ADRA2B: variants seen among roughly 807,000 people sequenced by gnomAD.
The protein encoded by ADRA2B is adrenoceptor alpha 2B.
A neutral mutation model predicts 14.4 loss-of-function variants in ADRA2B; 14 were observed. That is an observed-to-expected ratio of 0.97 (90% CI 0.64 to 1.52). The LOEUF is 1.52. Ranked by LOEUF, ADRA2B falls within the 40% of genes most tolerant of loss-of-function variation. The pLI, the probability that ADRA2B is intolerant of heterozygous loss-of-function variation, is 0.00. For synonymous variants in ADRA2B, 250 were observed against 263.7 expected (o/e 0.95, Z 0.50); for missense variants, 606 against 603.2 (o/e 1.00, Z -0.05).
Position 96,116,296 on chromosome 2 carries a change from A to G in ADRA2B, c.-147T>C. The G allele has an allele frequency of 1.4e-6, 1 of 694,910 alleles. No homozygotes were observed. Among genetic ancestry groups the G allele is most frequent in the Non-Finnish European group, 2.4e-6 (1 of 408,724 alleles). 43.0% of individuals were successfully genotyped at this position (694,910 alleles called of 1,614,324 possible). On this transcript the variant is annotated 5_prime_UTR_variant, in exon 1 of 1. Transcript: ENST00000620793. Reference sequence around the variant, plus strand: ...CCCATGGCCTGGACGAGCGGGGCCTAGGAGGTCGGGAACACCCAGGACCAG... The same window carrying G: ...CCCATGGCCTGGACGAGCGGGGCCTGGGAGGTCGGGAACACCCAGGACCAG...
chr2:96,116,238 T>G lies in ADRA2B; in HGVS notation c.-89A>C. ...TGCCCGGCTCGGCTAGACAAGAGCG[T>G]CGCCCCTCGGGCGGCGCCGAGGGCG... On this transcript the variant is annotated 5_prime_UTR_variant, in exon 1 of 1. Transcript: ENST00000620793. 1 of 1,268,824 alleles carries G rather than the reference T, an allele frequency of 7.9e-7. No individual in the cohort carries two copies. Among genetic ancestry groups the G allele is most frequent in the African/African-American group, 1.5e-5 (1 of 67,284 alleles). The allele number at this position is 1,268,824 out of a possible 1,614,324, so 78.6% of individuals were successfully genotyped here. A position where few individuals can be genotyped will look rare whatever the true frequency, so the allele number is the denominator to read the frequency against.
In ADRA2B at chr2:96,113,796, T is replaced by C. The variant is rs369276346; in HGVS notation, c.*1001A>G. 3.4e-6 allele frequency: 2 copies of C among 588,304 alleles called. No individual in the cohort carries two copies. Among genetic ancestry groups the C allele is most frequent in the Non-Finnish European group, 4.3e-6 (2 of 467,182 alleles). 36.4% of individuals were successfully genotyped at this position (588,304 alleles called of 1,614,324 possible). A position where few individuals can be genotyped will look rare whatever the true frequency, so the allele number is the denominator to read the frequency against. On this transcript the variant is annotated 3_prime_UTR_variant, in exon 1 of 1. Coordinates refer to ENST00000620793, the MANE Select transcript of ADRA2B (RefSeq NM_000682.7). ...CTCAAAGAGATCCTTTAACTTGAAA[T>C]AGTGATTCTGTCTGCCACTCCCGGC...
rs1004486876 is a variant in ADRA2B, at chr2:96,115,159, G to A, written c.991C>T (p.Gln331Ter). Residue 331 changes from glutamine to a stop codon, truncating the protein, a stop_gained, in exon 1 of 1, where the codon CAG (glutamine) becomes TAG (stop). Transcript: ENST00000620793. LOFTEE classifies it high-confidence loss of function. ...AGGGTGGCCAGCACCCGGGAGCCCTGTGGCTGCTGCAGCGGGGGGCTGCAA... is the reference window on the plus strand; with the variant it reads ...AGGGTGGCCAGCACCCGGGAGCCCTATGGCTGCTGCAGCGGGGGGCTGCAA... ...SACSPPLQQP[Q>*]GSRVLATLRG... The A allele has an allele frequency of 6.3e-7, 1 of 1,582,708 alleles. No homozygotes were observed. The highest frequency in any genetic ancestry group is 1.1e-5 in the South Asian group (1 of 87,678).
rs906897536 is a variant in ADRA2B, at chr2:96,114,381, G to T, written c.*416C>A. The T allele has an allele frequency of 5.0e-6, 5 of 1,002,300 alleles. No homozygotes were observed. Among genetic ancestry groups the T allele is most frequent in the Non-Finnish European group, 6.0e-6 (5 of 839,598 alleles). The allele number at this position is 1,002,300 out of a possible 1,614,324, so 62.1% of individuals were successfully genotyped here. Reference sequence around the variant, plus strand: ...TGGCTCCGTGCTCTTTGTGGGTGGGGGGGAGATGAAAAAGAAACGAAAACA... The same window carrying T: ...TGGCTCCGTGCTCTTTGTGGGTGGGTGGGAGATGAAAAAGAAACGAAAACA... On this transcript the variant is annotated 3_prime_UTR_variant, in exon 1 of 1. Coordinates refer to ENST00000620793, the MANE Select transcript of ADRA2B (RefSeq NM_000682.7).
In ADRA2B at chr2:96,114,224, G is replaced by T. The variant is rs1316805453; in HGVS notation, c.*573C>A. 3 of 986,474 alleles carry T rather than the reference G, an allele frequency of 3.0e-6. No individual in the cohort carries two copies. The highest frequency in any genetic ancestry group is 3.5e-5 in the African/African-American group (2 of 57,218). 61.1% of individuals were successfully genotyped at this position (986,474 alleles called of 1,614,324 possible). A position where few individuals can be genotyped will look rare whatever the true frequency, so the allele number is the denominator to read the frequency against. ...AAAACAGGCAAAGGGGGAAAGGAGG[G>T]CCCAGAGACGATGCCACCCCATAAG... On this transcript the variant is annotated 3_prime_UTR_variant, in exon 1 of 1. Coordinates refer to ENST00000620793, the MANE Select transcript of ADRA2B (RefSeq NM_000682.7).
rs546124409 is a variant in ADRA2B at position 96,114,847 on chromosome 2, G to C, written c.1303C>G (p.Arg435Gly). The C allele has an allele frequency of 1.9e-6, 3 of 1,613,904 alleles. No homozygotes were observed. In the South Asian group the frequency reaches 3.3e-5, roughly 18 times the overall value. The part of the protein sequence containing the change: ...IYTIFNQDFR[R>G]AFRRILCRPW... The stretch of plus-strand genomic sequence containing the variant: ...CGGCACAGGATCCTCCGGAAGGCAC[G>C]GCGGAAGTCCTGGTTGAAGATGGTG... Residue 435 changes from arginine (R) to glycine (G), a missense_variant, in exon 1 of 1, where the codon CGT becomes GGT. Physicochemically the swap from Arg to Gly is moderately radical, Grantham distance 125. Coordinates refer to ENST00000620793, the MANE Select transcript of ADRA2B (RefSeq NM_000682.7).
chr2:96,114,449 A>C lies in ADRA2B; in HGVS notation c.*348T>G. 9.5e-7 allele frequency: 1 copy of C among 1,056,606 alleles called. No individual in the cohort carries two copies. The highest frequency in any genetic ancestry group is 1.1e-6 in the Non-Finnish European group (1 of 873,952). The allele number at this position is 1,056,606 out of a possible 1,614,324, so 65.5% of individuals were successfully genotyped here. Reference sequence around the variant, plus strand: ...GCCAGGAACACAAGGTCCTCAAGAAAGGGAAGCCCAGACATTGGTCTGGAG... The same window carrying C: ...GCCAGGAACACAAGGTCCTCAAGAACGGGAAGCCCAGACATTGGTCTGGAG... On this transcript the variant is annotated 3_prime_UTR_variant, in exon 1 of 1. Coordinates refer to ENST00000620793, the MANE Select transcript of ADRA2B (RefSeq NM_000682.7).
rs1422113691 is a variant in ADRA2B at position 96,115,138 on chromosome 2, T to TG, written c.1011dup (p.Thr338HisfsTer206). ...CCCAGGAGCACCTGGCCACGTAGGG[T>TG]GGCCAGCACCCGGGAGCCCTGTGGC... is the stretch of plus-strand genomic sequence containing the variant. On this transcript the variant is annotated frameshift_variant, in exon 1 of 1. Coordinates refer to ENST00000620793, the MANE Select transcript of ADRA2B (RefSeq NM_000682.7). LOFTEE classifies it high-confidence loss of function. 1 of 1,600,522 alleles carries TG rather than the reference T, an allele frequency of 6.2e-7. No homozygotes were observed. Among genetic ancestry groups the TG allele is most frequent in the Middle Eastern group, 1.7e-4 (1 of 6,048 alleles).
Position 96,114,240 on chromosome 2 carries a change from A to C in ADRA2B, c.*557T>G, listed in dbSNP as rs1300451976. The C allele has an allele frequency of 1.8e-5, 18 of 986,848 alleles. No homozygotes were observed. Among genetic ancestry groups the C allele is most frequent in the Non-Finnish European group, 2.2e-5 (18 of 830,920 alleles). 61.1% of individuals were successfully genotyped at this position (986,848 alleles called of 1,614,324 possible). A position where few individuals can be genotyped will look rare whatever the true frequency, so the allele number is the denominator to read the frequency against. On this transcript the variant is annotated 3_prime_UTR_variant, in exon 1 of 1. Transcript: ENST00000620793. ...GAAAGGAGGGCCCAGAGACGATGCC[A>C]CCCCATAAGCCCCCATCCCAGCGCC...
chr2:96,115,068 G>A lies in ADRA2B; in HGVS notation c.1082C>T (p.Ala361Val), dbSNP rs888607315. The A allele has an allele frequency of 6.8e-6, 11 of 1,613,166 alleles. No homozygotes were observed. The highest frequency in any genetic ancestry group is 4.0e-5 in the African/African-American group (3 of 74,876). The change falls in exon 1 of 1, where the codon GCG becomes GTG. Residue 361 changes from alanine (A) to valine (V), a missense_variant. Ala to Val is a moderately conservative substitution (Grantham distance 64). Transcript: ENST00000620793. Reference sequence around the variant, plus strand: ...GAAGCGCTTCTCCCGGGTCAGCTGCGCCCGTCGACGCCACCACTGCCCACC... The same window carrying A: ...GAAGCGCTTCTCCCGGGTCAGCTGCACCCGTCGACGCCACCACTGCCCACC... ...AIGGQWWRRR[A>V]QLTREKRFTF...
At position 96,113,199 on chromosome 2, in the gene ADRA2B, C is replaced by T; in HGVS notation, c.*1598G>A. The T allele has an allele frequency of 2.5e-6, 1 of 398,710 alleles. No homozygotes were observed. The highest frequency in any genetic ancestry group is 2.1e-5 in the African/African-American group (1 of 48,758). 24.7% of individuals were successfully genotyped at this position (398,710 alleles called of 1,614,324 possible). A position where few individuals can be genotyped will look rare whatever the true frequency, so the allele number is the denominator to read the frequency against. On this transcript the variant is annotated 3_prime_UTR_variant, in exon 1 of 1. Transcript: ENST00000620793. ...GGTGCCCTTCCAAATCTAGCAGGTC[C>T]ATCTGGCCCATTCCCCCGACACCTG...
At position 96,114,805 on chromosome 2, in the gene ADRA2B, C is replaced by T. The variant is rs367910193; in HGVS notation, c.1345G>A (p.Ala449Thr). 1 of 1,611,352 alleles carries T rather than the reference C, an allele frequency of 6.2e-7. No individual in the cohort carries two copies. Among genetic ancestry groups the T allele is most frequent in the African/African-American group, 1.3e-5 (1 of 74,900 alleles). The change falls in exon 1 of 1, where the codon GCC becomes ACC. Residue 449 changes from alanine to threonine, a missense_variant. Ala to Thr is a moderately conservative substitution (Grantham distance 58). Coordinates refer to ENST00000620793, the MANE Select transcript of ADRA2B (RefSeq NM_000682.7). ...RILCRPWTQT[A>T]W ...GGGCAGCGCAGGCGGGCTCACCAGG[C>T]CGTCTGGGTCCACGGGCGGCACAGG...
In ADRA2B at chr2:96,116,265, T is replaced by C; in HGVS notation, c.-116A>G. The C allele has an allele frequency of 1.1e-6, 1 of 892,410 alleles. No homozygotes were observed. The highest frequency in any genetic ancestry group is 1.7e-5 in the African/African-American group (1 of 59,960). The allele number at this position is 892,410 out of a possible 1,614,324, so 55.3% of individuals were successfully genotyped here. Reference sequence around the variant, plus strand: ...GCCCCTCGGGCGGCGCCGAGGGCGCTGGAGCCCCATGGCCTGGACGAGCGG... The same window carrying C: ...GCCCCTCGGGCGGCGCCGAGGGCGCCGGAGCCCCATGGCCTGGACGAGCGG... On this transcript the variant is annotated 5_prime_UTR_variant, in exon 1 of 1. Coordinates refer to ENST00000620793, the MANE Select transcript of ADRA2B (RefSeq NM_000682.7).
rs1233035594 is a variant in ADRA2B at position 96,113,819 on chromosome 2, G to T, written c.*978C>A. On this transcript the variant is annotated 3_prime_UTR_variant, in exon 1 of 1. Transcript: ENST00000620793. ...AATAGTGATTCTGTCTGCCACTCCC[G>T]GCTTCCAGTTCGGGGTAGGAATTCA... The T allele has an allele frequency of 4.8e-6, 4 of 835,718 alleles. No homozygotes were observed. Among genetic ancestry groups the T allele is most frequent in the Non-Finnish European group, 5.8e-6 (4 of 693,142 alleles). 51.8% of individuals were successfully genotyped at this position (835,718 alleles called of 1,614,324 possible).
rs766946471 is a variant in ADRA2B, at chr2:96,115,265, A to G, written c.885T>C (p.Asp295=). The G allele has an allele frequency of 6.4e-7, 1 of 1,566,022 alleles. No individual in the cohort carries two copies. The stretch of plus-strand genomic sequence containing the variant: ...CCTCCTCTTCCTCCTCTTCAGCTTC[A>G]TCCTCTGGAGATGCCCCACAAACAC... ...KEGVCGASPE[D]EAEEEEEEEE... The change falls in exon 1 of 1, where the codon GAT becomes GAC. Residue 295 remains aspartate (D), a synonymous_variant. Coordinates refer to ENST00000620793, the MANE Select transcript of ADRA2B (RefSeq NM_000682.7).
chr2:96,115,113 C>G lies in ADRA2B; in HGVS notation c.1037G>C (p.Gly346Ala), dbSNP rs1260126247. 1 of 1,610,474 alleles carries G rather than the reference C, an allele frequency of 6.2e-7. No individual in the cohort carries two copies. The highest frequency in any genetic ancestry group is 2.2e-5 in the East Asian group (1 of 44,734). ...CCCACCTATAGCACCCACGCCCCTGCCCAGGAGCACCTGGCCACGTAGGGT... is the reference window on the plus strand; with the variant it reads ...CCCACCTATAGCACCCACGCCCCTGGCCAGGAGCACCTGGCCACGTAGGGT... ...LATLRGQVLL[G>A]RGVGAIGGQW... is the part of the protein sequence containing the mutation. The change falls in exon 1 of 1, where the codon GGC becomes GCC. Residue 346 changes from glycine (G) to alanine (A), a missense_variant. By Grantham distance (60) the Gly-to-Ala change is moderately conservative (BLOSUM62 0). Coordinates refer to ENST00000620793, the MANE Select transcript of ADRA2B (RefSeq NM_000682.7).
Position 96,114,950 on chromosome 2 carries a change from G to C in ADRA2B, c.1200C>G (p.His400Gln). 1 of 1,613,660 alleles carries C rather than the reference G, an allele frequency of 6.2e-7. No homozygotes were observed. Among genetic ancestry groups the C allele is most frequent in the Non-Finnish European group, 8.5e-7 (1 of 1,179,738 alleles). Residue 400 changes from histidine (H) to glutamine (Q), a missense_variant, in exon 1 of 1, where the codon CAC (histidine) becomes CAG (glutamine). Physicochemically the swap from His to Gln is conservative, Grantham distance 24. Coordinates refer to ENST00000620793, the MANE Select transcript of ADRA2B (RefSeq NM_000682.7). ...GGAAGAGGCCATGGGGCACCTTGCA[G>C]TGCTTCGGGCAGATGGCTCCCAGGC... ...SYSLGAICPK[H>Q]CKVPHGLFQF...
chr2:96,113,830 C>T lies in ADRA2B; in HGVS notation c.*967G>A, dbSNP rs552610795. On this transcript the variant is annotated 3_prime_UTR_variant, in exon 1 of 1. Coordinates refer to ENST00000620793, the MANE Select transcript of ADRA2B (RefSeq NM_000682.7). ...TGTCTGCCACTCCCGGCTTCCAGTT[C>T]GGGGTAGGAATTCACACACCCCAGG... The T allele has an allele frequency of 3.8e-5, 34 of 900,476 alleles. No homozygotes were observed. Among genetic ancestry groups the T allele is most frequent in the East Asian group, 1.2e-4 (1 of 8,346 alleles). 55.8% of individuals were successfully genotyped at this position (900,476 alleles called of 1,614,324 possible). A position where few individuals can be genotyped will look rare whatever the true frequency, so the allele number is the denominator to read the frequency against.
At position 96,115,513 on chromosome 2, in the gene ADRA2B, G is replaced by C. The variant is rs762179934; in HGVS notation, c.637C>G (p.Pro213Ala). Residue 213 changes from proline to alanine, a missense_variant, in exon 1 of 1, where the codon CCT becomes GCT. By Grantham distance (27) the Pro-to-Ala change is conservative. Transcript: ENST00000620793. ...GGCTGCTTGGACTCACCCTGCCCAG[G>C]CCCCCCCTTGGCCCTGGGACCTCTG... ...NRRGPRAKGGPGQGESKQPRP... is the reference protein window; with the variant it reads ...NRRGPRAKGGAGQGESKQPRP... The C allele has an allele frequency of 1.2e-6, 2 of 1,613,674 alleles. No individual in the cohort carries two copies. The highest frequency in any genetic ancestry group is 1.3e-5 in the African/African-American group (1 of 75,054).
Sources: allele counts gnomAD v4.1 joint callset, GRCh38; gene constraint gnomAD v4.1.1; transcripts MANE v1.5; gene names NCBI Gene and HGNC (gene_info 2026-07-23, HGNC 2026-07-21).